The following ATP2B4 variants were observed in gnomAD, a reference collection of about 807,000 sequenced individuals.
The protein encoded by ATP2B4 is ATPase plasma membrane Ca2+ transporting 4.
A neutral mutation model predicts 110.3 loss-of-function variants in ATP2B4; 39 were observed. The ratio of observed to expected loss-of-function variants is 0.35; its 90% CI spans 0.27 to 0.46. ATP2B4 has a LOEUF of 0.46. Ranked by LOEUF, ATP2B4 falls within the 20% of genes least tolerant of loss-of-function variation. The probability of loss-of-function intolerance (pLI) is 1.00; values close to 1 mark genes in which losing one functional copy is unlikely to be tolerated. For missense variants in ATP2B4, 1,135 were observed against 1,530.9 expected, an observed-to-expected ratio of 0.74 and a Z score of 4.32; for synonymous variants, 538 against 571.7, an observed-to-expected ratio of 0.94 and a Z score of 0.84.
chr1:203,722,586 A>G lies in ATP2B4; in HGVS notation c.2921A>G (p.Asn974Ser), dbSNP rs1666371147. ...ACCTTCGTGCTGATGCAGCTCTTCA[A>G]TGAAATCAACTCCCGAAAGATCCAT... ...FNTFVLMQLF[N>S]EINSRKIHGE... Residue 974 changes from asparagine to serine, a missense_variant, in exon 18 of 21, where the codon AAT (asparagine) becomes AGT (serine). Asn to Ser is a conservative substitution (Grantham distance 46). Coordinates refer to ENST00000357681, the MANE Select transcript of ATP2B4 (RefSeq NM_001684.5). The G allele has an allele frequency of 6.2e-7, 1 of 1,614,098 alleles. No homozygotes were observed. The highest frequency in any genetic ancestry group is 1.1e-5 in the South Asian group (1 of 91,084).
At chr1:203,658,896 G>A (rs558437401) in intron 1 of ATP2B4, among the ~76,000 whole-genome samples, 63 of 151,582 alleles carry the variant, frequency 4.2e-4, no homozygotes, top group African/African-American at 1.5e-3. Flanking sequence ...CCCAGCTACT[G>A]AGGAGGCTGA....
At chr1:203,666,305 A>C (rs1189012728) in intron 1 of ATP2B4, among the ~76,000 whole-genome samples, 1 of 96,234 alleles carries the variant, frequency 1.0e-5, no homozygotes. Context: ...GAATGGTAGC[A>C]TTTTGGTTTC....
Position 203,742,111 on chromosome 1 carries a change from C to T in ATP2B4, c.*2257C>T, listed in dbSNP as rs1333185338. On this transcript the variant is annotated 3_prime_UTR_variant, in exon 21 of 21. Coordinates refer to ENST00000357681, the MANE Select transcript of ATP2B4 (RefSeq NM_001684.5). ...AAATATATGCAAAAATTATAGTTTTCTTTAGATCAGAAACTGATATTTTTG... is the reference window on the plus strand; with the variant it reads ...AAATATATGCAAAAATTATAGTTTTTTTTAGATCAGAAACTGATATTTTTG... 1 of 152,474 alleles carries T rather than the reference C, an allele frequency of 6.6e-6. No individual in the cohort carries two copies. The highest frequency in any genetic ancestry group is 1.5e-5 in the Non-Finnish European group (1 of 68,000). The allele number at this position is 152,474 out of a possible 1,614,324, so 9.4% of individuals were successfully genotyped here.
At chr1:203,724,770 T>A (rs2102221271) in intron 19 of ATP2B4, among the ~76,000 whole-genome samples, 1 of 151,318 alleles carries the variant, frequency 6.6e-6, no homozygotes, top group Non-Finnish European at 1.5e-5. Flanking sequence ...TTACCTGAGA[T>A]AAATTCAGAT....
In ATP2B4 at chr1:203,709,471, C is replaced by T; in HGVS notation, c.1728C>T (p.Ser576=). 1 of 1,614,182 alleles carries T rather than the reference C, an allele frequency of 6.2e-7. No homozygotes were observed. The highest frequency in any genetic ancestry group is 8.5e-7 in the Non-Finnish European group (1 of 1,180,034). ...YTFNSVRKSM[S]TVIRNPNGGF... Reference sequence around the variant, plus strand: ...TTAACTCAGTGCGCAAGTCAATGAGCACCGTCATCAGGAATCCCAACGGTG... The same window carrying T: ...TTAACTCAGTGCGCAAGTCAATGAGTACCGTCATCAGGAATCCCAACGGTG... Residue 576 remains serine, a synonymous_variant, in exon 11 of 21, where the codon AGC becomes AGT. Transcript: ENST00000357681.
intron 9 of ATP2B4, among the ~76,000 whole-genome samples, 155 bp downstream of exon 9, chr1:203,707,378 T>C (rs1311647391): frequency 2.0e-5 from 3 of 152,138 alleles, no homozygotes; most frequent in Non-Finnish European, 2.9e-5. Context: ...GGAAGGACCA[T>C]CTCTGTCAGA....
chr1:203,682,050 C>A (rs749717269), intron 1 of ATP2B4, among the ~76,000 whole-genome samples: 12 of 152,088 alleles, frequency 7.9e-5, no homozygotes, highest in Admixed American at 2.0e-4. Flanking sequence ...AACTTGGTGC[C>A]GGCCAGGTTG....
At chr1:203,724,865 CTGTTTTTTTTT>C (rs1666457743) in intron 19 of ATP2B4, among the ~76,000 whole-genome samples, 2 of 101,454 alleles carry the variant, frequency 2.0e-5, no homozygotes, top group African/African-American at 8.2e-5. Flanking sequence ...ATCCAGCTCT[CTGTTTTTTTTT>C]TTTTTTTTTT....
At chr1:203,692,662 G>A (rs1191082751) in intron 2 of ATP2B4, among the ~76,000 whole-genome samples, 1 of 152,162 alleles carries the variant, frequency 6.6e-6, no homozygotes, top group Non-Finnish European at 1.5e-5. Context: ...CCCTCCTGAT[G>A]TCTACCCTAG....
At chr1:203,687,100 T>C (rs1665216878) in intron 2 of ATP2B4, among the ~76,000 whole-genome samples, 2 of 150,586 alleles carry the variant, frequency 1.3e-5, no homozygotes, top group South Asian at 4.2e-4. Flanking sequence ...CACCAGTTTG[T>C]AGTAATGTAA....
At chr1:203,686,384 G>C (rs1665179966) in intron 2 of ATP2B4, among the ~76,000 whole-genome samples, 1 of 152,144 alleles carries the variant, frequency 6.6e-6, no homozygotes, top group African/African-American at 2.4e-5. Context: ...CAATTTTCCA[G>C]ATCCCTTCCC....
At chr1:203,678,124 G>A (rs970403582) in intron 1 of ATP2B4, among the ~76,000 whole-genome samples, 5 of 152,192 alleles carry the variant, frequency 3.3e-5, no homozygotes, top group Admixed American at 2.6e-4. Flanking sequence ...CCATTTTTAT[G>A]CATCACATCA....
intron 1 of ATP2B4, among the ~76,000 whole-genome samples, chr1:203,643,352 A>C (rs1362497545): frequency 1.3e-5 from 2 of 152,156 alleles, no homozygotes; most frequent in African/African-American, 4.8e-5. Flanking sequence ...GGGTGACAAC[A>C]CTACTTGTTT....
chr1:203,631,280 C>A (rs774817231), intron 1 of ATP2B4, among the ~76,000 whole-genome samples: 1 of 152,270 alleles, frequency 6.6e-6, no homozygotes, highest in Non-Finnish European at 1.5e-5. Flanking sequence ...ACCCCAGTTC[C>A]TCTCTGCCTA....
chr1:203,696,669 G>A (rs1665541515), intron 2 of ATP2B4, among the ~76,000 whole-genome samples: 1 of 152,184 alleles, frequency 6.6e-6, no homozygotes, highest in East Asian at 1.9e-4. Flanking sequence ...CCCATGAAAG[G>A]ACCCAAATAT....
intron 2 of ATP2B4, among the ~76,000 whole-genome samples, chr1:203,694,986 G>A (rs924319399): frequency 6.6e-6 from 1 of 152,212 alleles, no homozygotes; most frequent in Non-Finnish European, 1.5e-5. Context: ...TAGCATGAGA[G>A]CAGAGAGGGA....
chr1:203,701,106 A>G (rs1237548938), intron 6 of ATP2B4, among the ~76,000 whole-genome samples, 183 bp downstream of exon 6: 1 of 151,714 alleles, frequency 6.6e-6, no homozygotes, highest in Non-Finnish European at 1.5e-5. Flanking sequence ...TCTGATGAAA[A>G]CCAGATCCTG....
chr1:203,660,266 G>A (rs1350529959), intron 1 of ATP2B4, among the ~76,000 whole-genome samples: 2 of 152,100 alleles, frequency 1.3e-5, no homozygotes, highest in Non-Finnish European at 2.9e-5. Flanking sequence ...TTTGGACCTG[G>A]GTTTATGGTC....
At chr1:203,710,182 A>G (rs1359356511) in intron 11 of ATP2B4, among the ~76,000 whole-genome samples, 1 of 152,096 alleles carries the variant, frequency 6.6e-6, no homozygotes, top group African/African-American at 2.4e-5. Context: ...CCCGACCAAC[A>G]TGGTGAAACC....
Sources: allele counts gnomAD v4.1 joint callset (sites outside exome capture counted in the v4.1 genomes callset), GRCh38; gene constraint gnomAD v4.1.1; transcripts MANE v1.5; gene names NCBI Gene and HGNC (gene_info 2026-07-23, HGNC 2026-07-21).